The following THEM6 variants were observed in gnomAD, a reference collection of about 807,000 sequenced individuals.
THEM6 encodes protein THEM6.
Under a neutral mutation model 13.7 loss-of-function variants are expected in THEM6, and 10 were observed. The observed-to-expected ratio is 0.73, with a 90% CI of 0.45 to 1.24. The LOEUF (loss-of-function observed/expected upper bound fraction) is 1.24, where lower values mean the gene tolerates loss of function less well. Ranked by LOEUF, THEM6 falls within the 50% of genes most tolerant of loss-of-function variation. THEM6 has a pLI of 0.00. For synonymous variants in THEM6, 161 were observed against 156.0 expected (o/e 1.03, Z -0.24); for missense variants, 317 against 312.6 (o/e 1.01, Z -0.11).
chr8:142,731,520 C>T (rs1815646143), intron 1 of THEM6, among the ~76,000 whole-genome samples: 1 of 152,190 alleles, frequency 6.6e-6, no homozygotes, highest in Admixed American at 6.5e-5. Context: ...TCACAATCTT[C>T]AACATGTCTT....
intron 1 of THEM6, among the ~76,000 whole-genome samples, chr8:142,730,123 A>G (rs1259902236): frequency 6.6e-6 from 1 of 152,242 alleles, no homozygotes; most frequent in Non-Finnish European, 1.5e-5. Context: ...ATGAAGGTAC[A>G]GGAAAATTAA....
At position 142,727,733 on chromosome 8, in the gene THEM6, C is replaced by T. The variant is rs1554642513; in HGVS notation, c.387C>T (p.Arg129=). 7 of 1,438,872 alleles carry T rather than the reference C, an allele frequency of 4.9e-6. No individual in the cohort carries two copies. Among genetic ancestry groups the T allele is most frequent in the East Asian group, 2.9e-5 (1 of 34,626 alleles). The allele number at this position is 1,438,872 out of a possible 1,614,324, so 89.1% of individuals were successfully genotyped here. A position where few individuals can be genotyped will look rare whatever the true frequency, so the allele number is the denominator to read the frequency against. Residue 129 remains arginine, a synonymous_variant, in exon 1 of 2, where the codon CGC becomes CGT. Coordinates refer to ENST00000336138, the MANE Select transcript of THEM6 (RefSeq NM_016647.3). The stretch of plus-strand genomic sequence containing the variant: ...CCCGCCTGCTGGGCTGGGACGACCG[C>T]GCGTTCTACCTGGAGGCGCGCTTTG... ...VRTRLLGWDD[R]AFYLEARFVS...
In THEM6 at chr8:142,735,643, C is replaced by T; in HGVS notation, c.*204C>T. On this transcript the variant is annotated 3_prime_UTR_variant, in exon 2 of 2. Transcript: ENST00000336138. ...TAGGCAGAAGGAGGAGTGGCATTGG[C>T]ATCCTGACCCAGCTCTGCCCTCAAG... 1.8e-6 allele frequency: 1 copy of T among 570,028 alleles called. No homozygotes were observed. Among genetic ancestry groups the T allele is most frequent in the Non-Finnish European group, 3.2e-6 (1 of 315,040 alleles). The allele number at this position is 570,028 out of a possible 1,614,324, so 35.3% of individuals were successfully genotyped here. A position where few individuals can be genotyped will look rare whatever the true frequency, so the allele number is the denominator to read the frequency against.
chr8:142,732,342 T>G (rs1241527636), intron 1 of THEM6, among the ~76,000 whole-genome samples: 2 of 150,816 alleles, frequency 1.3e-5, no homozygotes, highest in Admixed American at 1.3e-4. Context: ...AAAGGTCCCT[T>G]GCATACTTCC....
intron 1 of THEM6, among the ~76,000 whole-genome samples, chr8:142,732,569 C>T (rs1026286515): frequency 7.2e-5 from 11 of 152,080 alleles, no homozygotes; most frequent in Non-Finnish European, 1.2e-4. Context: ...TGATCATTCA[C>T]ACATACACAC....
In THEM6 at chr8:142,727,552, G is replaced by C; in HGVS notation, c.206G>C (p.Arg69Pro). The change falls in exon 1 of 2, where the codon CGC becomes CCC. Residue 69 changes from arginine to proline, a missense_variant. Transcript: ENST00000336138. Reference sequence around the variant, plus strand: ...CTGCTGCTGCACATGAACAACGCGCGCTACCTGCGCGAGGCCGACTTTGCG... The same window carrying C: ...CTGCTGCTGCACATGAACAACGCGCCCTACCTGCGCGAGGCCGACTTTGCG... The part of the protein sequence containing the change: ...LDLLLHMNNA[R>P]YLREADFARV... The C allele has an allele frequency of 6.4e-7, 1 of 1,556,618 alleles. No homozygotes were observed. The highest frequency in any genetic ancestry group is 8.6e-7 in the Non-Finnish European group (1 of 1,160,228).
Position 142,727,282 on chromosome 8 carries a change from C to T in THEM6, c.-65C>T. ...CAGGAGGCCTGGCGGGCACCGTAAC[C>T]AGCGCCGCGGACACCGGCACCGGCG... On this transcript the variant is annotated 5_prime_UTR_variant, in exon 1 of 2. Transcript: ENST00000336138. The T allele has an allele frequency of 1.4e-6, 2 of 1,390,210 alleles. No individual in the cohort carries two copies. The highest frequency in any genetic ancestry group is 1.9e-6 in the Non-Finnish European group (2 of 1,077,786). The allele number at this position is 1,390,210 out of a possible 1,614,324, so 86.1% of individuals were successfully genotyped here. A position where few individuals can be genotyped will look rare whatever the true frequency, so the allele number is the denominator to read the frequency against.
rs1452127001 is a variant in THEM6, at chr8:142,735,480, C to T, written c.*41C>T. 6.9e-7 allele frequency: 1 copy of T among 1,454,972 alleles called. No homozygotes were observed. Among genetic ancestry groups the T allele is most frequent in the Admixed American group, 2.0e-5 (1 of 51,010 alleles). The allele number at this position is 1,454,972 out of a possible 1,614,324, so 90.1% of individuals were successfully genotyped here. ...CGTCTGCCCTGGCCACCATCCTGGG[C>T]CTGGGGGCTGCCCACAGATGGGCAG... On this transcript the variant is annotated 3_prime_UTR_variant, in exon 2 of 2. Transcript: ENST00000336138.
chr8:142,727,930 G>A, intron 1 of THEM6, 71 bp downstream of exon 1: 1 of 1,354,238 alleles, frequency 7.4e-7, no homozygotes, highest in South Asian at 1.7e-5. Flanking sequence ...CCTAGTCCCT[G>A]GCCCCCTCCC....
rs1587587304 is a variant in THEM6 at position 142,736,732 on chromosome 8, G to C, written c.*1293G>C. ...CCCGCTTGCCTGTTCCCCTACATCT[G>C]TGCCTGCACATCCAGAACTGCCTCC... On this transcript the variant is annotated 3_prime_UTR_variant, in exon 2 of 2. Coordinates refer to ENST00000336138, the MANE Select transcript of THEM6 (RefSeq NM_016647.3). 1 of 152,402 alleles carries C rather than the reference G, an allele frequency of 6.6e-6. No individual in the cohort carries two copies. The highest frequency in any genetic ancestry group is 1.5e-5 in the Non-Finnish European group (1 of 68,212). 9.4% of individuals were successfully genotyped at this position (152,402 alleles called of 1,614,324 possible).
At chr8:142,730,059 GAGTT>G (rs1321584523) in intron 1 of THEM6, among the ~76,000 whole-genome samples, 1 of 152,300 alleles carries the variant, frequency 6.6e-6, no homozygotes, top group African/African-American at 2.4e-5. Context: ...GGTCTGAGGT[GAGTT>G]AGTTACAGTA....
At chr8:142,727,899 G>A (rs1310504210) in intron 1 of THEM6, 40 bp downstream of exon 1, 3 of 1,377,648 alleles carry the variant, frequency 2.2e-6, no homozygotes, top group Non-Finnish European at 2.8e-6. Context: ...CACGGCCTTT[G>A]TGGGACCTCC....
rs1439233878 is a variant in THEM6 at position 142,732,206 on chromosome 8, A to ATATG, written c.514-3119_514-3118insATGT. ...TATATATATATATATATATATATATATTTTAACTACTGGAGGTTTGTGTGA... is the reference window on the plus strand; with the variant it reads ...TATATATATATATATATATATATATATATGTTTTAACTACTGGAGGTTTGTGTGA... On this transcript the variant is annotated intron_variant, in intron 1 of 1. Coordinates refer to ENST00000336138, the MANE Select transcript of THEM6 (RefSeq NM_016647.3). Among the ~76,000 whole-genome samples, 4 of 95,006 alleles carry ATATG rather than the reference A, an allele frequency of 4.2e-5. 1 individual carries two copies. The highest frequency in any genetic ancestry group is 3.9e-4 in the East Asian group (1 of 2,578). The allele number at this position is 95,006 out of a possible 152,430, so 62.3% of individuals were successfully genotyped here. A position where few individuals can be genotyped will look rare whatever the true frequency, so the allele number is the denominator to read the frequency against.
At chr8:142,728,773 A>AAT in intron 1 of THEM6, among the ~76,000 whole-genome samples, 1 of 152,296 alleles carries the variant, frequency 6.6e-6, no homozygotes, top group African/African-American at 2.4e-5. Context: ...GTGAAAGAAT[A>AAT]GCTGGTCCGT....
chr8:142,732,125 T>A (rs1815657688), intron 1 of THEM6, among the ~76,000 whole-genome samples: 1 of 140,566 alleles, frequency 7.1e-6, no homozygotes, highest in Non-Finnish European at 1.5e-5. Flanking sequence ...GCTTAGCCTT[T>A]TTCTTTCCCT....
chr8:142,735,537 C>A lies in THEM6; in HGVS notation c.*98C>A. ...CCATACTCTGTTCCAGCTGGAGTAG[C>A]CTCCTGACCAGCCTGGCCCACCCTG... On this transcript the variant is annotated 3_prime_UTR_variant, in exon 2 of 2. Coordinates refer to ENST00000336138, the MANE Select transcript of THEM6 (RefSeq NM_016647.3). 1 of 948,374 alleles carries A rather than the reference C, an allele frequency of 1.1e-6. No homozygotes were observed. Among genetic ancestry groups the A allele is most frequent in the Admixed American group, 2.0e-5 (1 of 49,200 alleles). The allele number at this position is 948,374 out of a possible 1,614,324, so 58.7% of individuals were successfully genotyped here. A position where few individuals can be genotyped will look rare whatever the true frequency, so the allele number is the denominator to read the frequency against.
In THEM6 at chr8:142,727,521, T is replaced by G. The variant is rs782419719; in HGVS notation, c.175T>G (p.Leu59Val). 1.0e-5 allele frequency: 16 copies of G among 1,579,382 alleles called. No homozygotes were observed. The African/African-American group carries it at 1.8e-4, about 18-fold the overall frequency. The stretch of plus-strand genomic sequence containing the variant: ...CCCGGGCCGCGTGCTGCCCTCGGAC[T>G]TGGACCTGCTGCTGCACATGAACAA... ...RFPGRVLPSD[L>V]DLLLHMNNAR... Residue 59 changes from leucine (L) to valine (V), a missense_variant, in exon 1 of 2, where the codon TTG becomes GTG. Physicochemically the swap from Leu to Val is conservative, Grantham distance 32. Transcript: ENST00000336138.
intron 1 of THEM6, 75 bp from the exon 2 acceptor site, chr8:142,735,251 G>A (rs1815731891): frequency 1.8e-6 from 2 of 1,115,246 alleles, no homozygotes. Context: ...TCACGGGCTG[G>A]GGAGCAGTGT....
rs1347340489 is a variant in THEM6, at chr8:142,735,318, C to T, written c.514-8C>T. ...CTTAGCTGGGTGTCCCCTTTCTGTCCTCTGCAGGTGGAGCCCCCTGAGCTG... is the reference window on the plus strand; with the variant it reads ...CTTAGCTGGGTGTCCCCTTTCTGTCTTCTGCAGGTGGAGCCCCCTGAGCTG... On this transcript the variant is annotated splice_polypyrimidine_tract_variant and splice_region_variant and intron_variant, in intron 1 of 1. Transcript: ENST00000336138. 5.8e-6 allele frequency: 9 copies of T among 1,550,382 alleles called. No individual in the cohort carries two copies.
Sources: gnomAD v4.1 joint callset for allele counts (sites outside exome capture counted in the v4.1 genomes callset) on GRCh38, gnomAD v4.1.1 for gene constraint, MANE v1.5 for transcripts, NCBI Gene and HGNC (gene_info 2026-07-23, HGNC 2026-07-21) for gene names.